The following JAZF1 variants were observed in gnomAD, a reference collection of about 807,000 sequenced individuals.
The protein encoded by JAZF1 is juxtaposed with another zinc finger protein 1.
In JAZF1, 8 loss-of-function variants were observed where a neutral mutation model predicts 26.4. The observed-to-expected ratio is 0.30, with a 90% CI of 0.18 to 0.55. The LOEUF is 0.55. JAZF1 is among the 20% of genes least tolerant of loss of function. JAZF1 has a pLI of 0.94. For missense variants in JAZF1, 199 were observed against 322.0 expected (o/e 0.62, Z 2.92); for synonymous variants, 126 against 122.3 (o/e 1.03, Z -0.20).
chr7:27,855,900 G>C (rs1783240063), intron 3 of JAZF1, among the ~76,000 whole-genome samples: 1 of 152,118 alleles, frequency 6.6e-6, no homozygotes, highest in African/African-American at 2.4e-5. Flanking sequence ...AACCAGCAGA[G>C]ACACAACAAA....
intron 1 of JAZF1, among the ~76,000 whole-genome samples, chr7:28,128,350 T>C (rs993579078): frequency 2.0e-5 from 3 of 152,076 alleles, no homozygotes; most frequent in African/African-American, 4.8e-5. Context: ...GGTGAAACCC[T>C]GTCTCTACTA....
chr7:27,838,857 C>T (rs866400267), intron 4 of JAZF1, among the ~76,000 whole-genome samples: 6 of 152,140 alleles, frequency 3.9e-5, no homozygotes, highest in African/African-American at 1.4e-4. Flanking sequence ...CTCGTGGGAT[C>T]AGGACCACCA....
intron 1 of JAZF1, among the ~76,000 whole-genome samples, chr7:28,095,365 G>A (rs944973272): frequency 2.0e-5 from 3 of 152,152 alleles, no homozygotes; most frequent in African/African-American, 7.2e-5. Flanking sequence ...GGCGGATGGT[G>A]AAGGGGAAGC....
At chr7:28,157,992 G>A (rs1783214204) in intron 1 of JAZF1, among the ~76,000 whole-genome samples, 1 of 151,952 alleles carries the variant, frequency 6.6e-6, no homozygotes, top group East Asian at 1.9e-4. Flanking sequence ...TCCTGCAGCA[G>A]GGATTGCCCA....
At chr7:27,902,792 A>T (rs2128343386) in intron 2 of JAZF1, among the ~76,000 whole-genome samples, 1 of 152,272 alleles carries the variant, frequency 6.6e-6, no homozygotes, top group African/African-American at 2.4e-5. Flanking sequence ...CGAGATGGGC[A>T]GATCACAAGG....
intron 2 of JAZF1, among the ~76,000 whole-genome samples, chr7:27,953,535 C>T (rs1325372051): frequency 6.6e-6 from 1 of 152,128 alleles, no homozygotes; most frequent in East Asian, 1.9e-4. Context: ...CAGTAGGCTT[C>T]AAAAGGTTCT....
chr7:27,914,711 A>C, intron 2 of JAZF1: 2 of 471,126 alleles, frequency 4.2e-6, no homozygotes, highest in South Asian at 3.1e-5. Context: ...CTTCTTCAGA[A>C]GCACAGGGCA....
chr7:28,097,072 C>CT (rs1158160487), intron 1 of JAZF1, among the ~76,000 whole-genome samples: 1 of 152,176 alleles, frequency 6.6e-6, no homozygotes, highest in East Asian at 1.9e-4. Context: ...TTAACTAACT[C>CT]TTTAAAATAT....
rs544408449 is a variant in JAZF1 at position 28,149,283 on chromosome 7, CT to C, written c.115+31179del. Reference sequence around the variant, plus strand: ...CTGTCAACAAATGCATGAAAAGCCTCTTTTTTTCTTAATGCCTATCAGACTG... The same window carrying C: ...CTGTCAACAAATGCATGAAAAGCCTCTTTTTTCTTAATGCCTATCAGACTG... On this transcript the variant is annotated intron_variant, in intron 1 of 4. Coordinates refer to ENST00000283928, the MANE Select transcript of JAZF1 (RefSeq NM_175061.4). Among the ~76,000 whole-genome samples the C allele has an allele frequency of 5.9e-3, 897 of 152,264 alleles. 4 individuals carry two copies. The highest frequency in any genetic ancestry group is 9.0e-3 in the Non-Finnish European group (615 of 68,014).
intron 1 of JAZF1, among the ~76,000 whole-genome samples, chr7:28,078,702 T>C (rs1784092138): frequency 6.6e-6 from 1 of 152,202 alleles, no homozygotes; most frequent in Non-Finnish European, 1.5e-5. Flanking sequence ...CCCCTTTTCT[T>C]GCACTACTAG....
At chr7:28,022,962 T>A (rs557151551) in intron 1 of JAZF1, among the ~76,000 whole-genome samples, 8 of 152,298 alleles carry the variant, frequency 5.3e-5, no homozygotes, top group Admixed American at 3.3e-4. Context: ...GTGCTGGATG[T>A]CAGGCAGTAT....
intron 1 of JAZF1, among the ~76,000 whole-genome samples, chr7:28,086,536 C>A (rs1186644232): frequency 6.6e-6 from 1 of 152,200 alleles, no homozygotes; most frequent in Non-Finnish European, 1.5e-5. Flanking sequence ...ACTCCAGACA[C>A]ACATATACAT....
intron 2 of JAZF1, among the ~76,000 whole-genome samples, chr7:27,986,857 G>A (rs111839310): frequency 0.019 from 2,949 of 152,226 alleles, 70 homozygotes; most frequent in African/African-American, 0.051. Flanking sequence ...GGGTTTCGCC[G>A]TGTTGGCCGG....
At chr7:28,110,498 GAAA>G (rs1784631685) in intron 1 of JAZF1, among the ~76,000 whole-genome samples, 2 of 37,712 alleles carry the variant, frequency 5.3e-5, no homozygotes, top group East Asian at 2.2e-3. Context: ...GAAAGGAAAG[GAAA>G]GGAAAAGGAA....
At chr7:28,080,094 A>C (rs6968494) in intron 1 of JAZF1, among the ~76,000 whole-genome samples, 2 of 152,112 alleles carry the variant, frequency 1.3e-5, no homozygotes. Flanking sequence ...ATAGTCATCC[A>C]AGCTAGATCT....
intron 2 of JAZF1, among the ~76,000 whole-genome samples, chr7:27,985,272 T>TCACCACCAATCCCACAGAAATAC (rs1483260713): frequency 1.3e-5 from 2 of 152,068 alleles, no homozygotes; most frequent in Non-Finnish European, 2.9e-5. Context: ...AAAGGGAATA[T>TCACCACCAATCCCACAGAAATAC]CACCACCAAT....
intron 3 of JAZF1, among the ~76,000 whole-genome samples, chr7:27,849,284 C>A (rs1186922089): frequency 6.6e-6 from 1 of 152,222 alleles, no homozygotes; most frequent in Admixed American, 6.5e-5. Context: ...AGCCTCGTGA[C>A]AGCCAGTGAT....
At chr7:28,179,718 G>A (rs1455446252) in intron 1 of JAZF1, among the ~76,000 whole-genome samples, 1 of 147,924 alleles carries the variant, frequency 6.8e-6, no homozygotes, top group Admixed American at 6.7e-5. Context: ...AGAGCCCCCG[G>A]GCCCGCGTCC....
rs142247507 is a variant in JAZF1, at chr7:27,892,190, C to T, written c.385+3030G>A. Among the ~76,000 whole-genome samples the T allele has an allele frequency of 7.3e-3, 1,112 of 152,260 alleles. 6 individuals carry two copies. Among genetic ancestry groups the T allele is most frequent in the Non-Finnish European group, 0.012 (785 of 68,022 alleles). ...AAAAATGTACACAATCAAAATTGTA[C>T]GTGGTAGGGGTTTAAGAAACCATTT... On this transcript the variant is annotated intron_variant, in intron 3 of 4. Coordinates refer to ENST00000283928, the MANE Select transcript of JAZF1 (RefSeq NM_175061.4).
Sources: allele counts gnomAD v4.1 joint callset (sites outside exome capture counted in the v4.1 genomes callset), GRCh38; gene constraint gnomAD v4.1.1; transcripts MANE v1.5; gene names NCBI Gene and HGNC (gene_info 2026-07-23, HGNC 2026-07-21).